Variants in STAU1 observed in about 807,000 individuals in gnomAD.
STAU1 encodes double-stranded RNA-binding protein Staufen homolog 1.
A neutral mutation model predicts 62.9 loss-of-function variants in STAU1; 13 were observed. The ratio of observed to expected loss-of-function variants is 0.21; its 90% CI spans 0.13 to 0.33. The LOEUF (loss-of-function observed/expected upper bound fraction) is 0.33. STAU1 is among the 10% of genes least tolerant of loss of function. STAU1 has a pLI of 1.00. For missense variants in STAU1, 571 were observed against 712.1 expected (o/e 0.80, Z 2.25); for synonymous variants, 269 against 265.1 (o/e 1.01, Z -0.14).
intron 5 of STAU1, among the ~76,000 whole-genome samples, chr20:49,137,828 G>T (rs993293273): frequency 1.6e-5 from 2 of 122,904 alleles, no homozygotes; most frequent in East Asian, 4.5e-4. Context: ...ACCACACCCG[G>T]CTAATTTTTT....
At chr20:49,122,868 G>C (rs2092497070) in intron 8 of STAU1, among the ~76,000 whole-genome samples, 1 of 152,110 alleles carries the variant, frequency 6.6e-6, no homozygotes, top group African/African-American at 2.4e-5. Context: ...AGTGAGCTGA[G>C]ACAGCACCAC....
At chr20:49,118,166 A>C in intron 10 of STAU1, 70 bp from the exon 11 acceptor site, 1 of 1,501,478 alleles carries the variant, frequency 6.7e-7, no homozygotes, top group Non-Finnish European at 9.2e-7. Flanking sequence ...ACACCATCAA[A>C]CCCCACGCTG....
chr20:49,173,635 G>A (rs912858222), intron 2 of STAU1, among the ~76,000 whole-genome samples: 1 of 152,144 alleles, frequency 6.6e-6, no homozygotes. Context: ...AGCTTCTAGA[G>A]GGAAAGTGTT....
chr20:49,217,320 A>C, the STAU1 span, among the ~76,000 whole-genome samples: 1 of 152,226 alleles, frequency 6.6e-6, no homozygotes, highest in East Asian at 1.9e-4. Flanking sequence ...CTAACAAGGA[A>C]CTTGATGGCA....
chr20:49,201,491 C>T, the STAU1 span, among the ~76,000 whole-genome samples: 4 of 152,072 alleles, frequency 2.6e-5, no homozygotes, highest in Non-Finnish European at 5.9e-5. Flanking sequence ...CTTGTAATCC[C>T]AGCACTTTGG....
intron 6 of STAU1, among the ~76,000 whole-genome samples, chr20:49,133,802 G>A (rs570227424): frequency 1.8e-4 from 27 of 152,126 alleles, no homozygotes; most frequent in Non-Finnish European, 3.7e-4. Flanking sequence ...ACAAGCCCTC[G>A]TACCCAGGTG....
At chr20:49,147,641 A>C (rs932319197) in intron 5 of STAU1, among the ~76,000 whole-genome samples, 1 of 152,218 alleles carries the variant, frequency 6.6e-6, no homozygotes, top group Non-Finnish European at 1.5e-5. Context: ...CAAAGACTTT[A>C]ACTGCAACGA....
chr20:49,120,135 AAAG>A lies in STAU1; in HGVS notation c.967-10_967-8del. The stretch of plus-strand genomic sequence containing the variant: ...TGTGGTTTCCAACCTTCACCTGCAC[AAAG>A]AAGTCAAAACACAGACCAGTGCTTA... On this transcript the variant is annotated splice_region_variant and splice_polypyrimidine_tract_variant and intron_variant, in intron 8 of 13. Transcript: ENST00000371856. 6.2e-7 allele frequency: 1 copy of A among 1,611,566 alleles called. No individual in the cohort carries two copies. Among genetic ancestry groups the A allele is most frequent in the Non-Finnish European group, 8.5e-7 (1 of 1,178,202 alleles).
At chr20:49,159,274 T>C in intron 3 of STAU1, 1 of 449,924 alleles carries the variant, frequency 2.2e-6, no homozygotes, top group Non-Finnish European at 3.0e-6. Flanking sequence ...AATCTTGGTT[T>C]TGATAGAACC....
the STAU1 span, among the ~76,000 whole-genome samples, chr20:49,203,825 T>A: frequency 1.3e-5 from 2 of 152,160 alleles, no homozygotes; most frequent in South Asian, 4.1e-4. Context: ...TAGCTGGGAT[T>A]ACAGGCGTGC....
the STAU1 span, among the ~76,000 whole-genome samples, chr20:49,214,016 G>A: frequency 6.6e-6 from 1 of 151,708 alleles, no homozygotes; most frequent in Non-Finnish European, 1.5e-5. Flanking sequence ...TTCAAGACCA[G>A]CCTCGCCAAC....
chr20:49,135,715 T>C lies in STAU1; in HGVS notation c.609+118A>G, dbSNP rs2092865739. 7.9e-6 allele frequency: 6 copies of C among 763,874 alleles called. No individual in the cohort carries two copies. In the Admixed American group the frequency reaches 8.7e-5, roughly 11 times the overall value. 47.3% of individuals were successfully genotyped at this position (763,874 alleles called of 1,614,324 possible). ...CTAAATATAAAGTATGAATCTTAAA[T>C]TTGGAGGTTCACATTATGTGAAGAT... On this transcript the variant is annotated intron_variant, in intron 6 of 13. Transcript: ENST00000371856.
chr20:49,138,085 C>G (rs2092929297), intron 5 of STAU1, among the ~76,000 whole-genome samples: 1 of 151,992 alleles, frequency 6.6e-6, no homozygotes, highest in South Asian at 2.1e-4. Context: ...AGTTTGAGAC[C>G]AGCGTGGGCA....
intron 6 of STAU1, among the ~76,000 whole-genome samples, chr20:49,126,662 A>G (rs991125820): frequency 2.6e-5 from 4 of 151,366 alleles, no homozygotes; most frequent in African/African-American, 9.7e-5. Context: ...TAGAAGACTT[A>G]CACTACCAGA....
chr20:49,115,528 T>A (rs2092298662), intron 13 of STAU1, among the ~76,000 whole-genome samples: 1 of 152,152 alleles, frequency 6.6e-6, no homozygotes, highest in Non-Finnish European at 1.5e-5. Flanking sequence ...CTTAAACACC[T>A]GACACCTCAT....
chr20:49,207,600 C>A, the STAU1 span, among the ~76,000 whole-genome samples: 2 of 151,886 alleles, frequency 1.3e-5, no homozygotes, highest in African/African-American at 4.8e-5. Context: ...ACTGCAACCT[C>A]CGCCTCCCAG....
chr20:49,156,286 G>A (rs993805025), intron 3 of STAU1, among the ~76,000 whole-genome samples: 4 of 152,016 alleles, frequency 2.6e-5, no homozygotes, highest in African/African-American at 9.7e-5. Context: ...CTGGTCACCC[G>A]CCATCCTTCC....
upstream of STAU1, among the ~76,000 whole-genome samples, chr20:49,188,588 G>T (rs1469922540): frequency 2.0e-5 from 3 of 152,222 alleles, no homozygotes; most frequent in African/African-American, 7.2e-5. Context: ...TTGTAGTTCT[G>T]GTGGGAGTTT....
chr20:49,201,547 C>A, the STAU1 span, among the ~76,000 whole-genome samples: 1 of 151,870 alleles, frequency 6.6e-6, no homozygotes, highest in Admixed American at 6.6e-5. Flanking sequence ...TTCAAGAGCA[C>A]CCTGGCCAAT....
Sources: gnomAD v4.1 joint callset for allele counts (sites outside exome capture counted in the v4.1 genomes callset) on GRCh38, gnomAD v4.1.1 for gene constraint, MANE v1.5 for transcripts, NCBI Gene and HGNC (gene_info 2026-07-23, HGNC 2026-07-21) for gene names.